The following TACR2 variants were observed in gnomAD, a reference collection of about 807,000 sequenced individuals.
The protein encoded by TACR2 is substance-K receptor.
In TACR2, 24 loss-of-function variants were observed where a neutral mutation model predicts 28.9. The ratio of observed to expected loss-of-function variants is 0.83; its 90% CI spans 0.60 to 1.17. TACR2 has a LOEUF of 1.17. Among genes scored for constraint, TACR2 ranks in the 50% most tolerant of loss-of-function variants. TACR2 has a pLI of 0.00. For missense variants in TACR2, 487 were observed against 524.4 expected, an observed-to-expected ratio of 0.93 and a Z score of 0.70; for synonymous variants, 222 against 212.6, an observed-to-expected ratio of 1.04 and a Z score of -0.38.
chr10:69,409,890 C>CATATATAT (rs1390944288), intron 2 of TACR2, among the ~76,000 whole-genome samples: 4 of 35,336 alleles, frequency 1.1e-4, no homozygotes, highest in Non-Finnish European at 1.9e-4. Context: ...TACATATATA[C>CATATATAT]ATATATATAT....
In TACR2 at chr10:69,416,019, C is replaced by A; in HGVS notation, c.305G>T (p.Gly102Val). 2 of 1,614,204 alleles carry A rather than the reference C, an allele frequency of 1.2e-6. No individual in the cohort carries two copies. The highest frequency in any genetic ancestry group is 1.7e-6 in the Non-Finnish European group (2 of 1,180,034). Residue 102 changes from glycine (G) to valine (V), a missense_variant, in exon 1 of 5, where the codon GGC becomes GTC. Gly to Val is a moderately radical substitution (Grantham distance 109). Coordinates refer to ENST00000373306, the MANE Select transcript of TACR2 (RefSeq NM_001057.3). ...GTTCTGGAAGTAGCAGAAGGCACGG[C>A]CAAAGTACCAGATGTTGTGGCTGGC... ...VYASHNIWYF[G>V]RAFCYFQNLF...
chr10:69,406,635 A>G (rs1478253402), intron 4 of TACR2, among the ~76,000 whole-genome samples: 9 of 152,224 alleles, frequency 5.9e-5, no homozygotes, highest in African/African-American at 2.2e-4. Flanking sequence ...ACTTGGCTCC[A>G]GGAAAGCCCT....
At chr10:69,407,507 C>T (rs1840513913) in intron 3 of TACR2, among the ~76,000 whole-genome samples, 1 of 152,210 alleles carries the variant, frequency 6.6e-6, no homozygotes, top group African/African-American at 2.4e-5. Context: ...TGCCATCCTT[C>T]CTTTGAAGTC....
Position 69,408,908 on chromosome 10 carries a change from G to A in TACR2, c.741+14C>T. 1.8e-6 allele frequency: 2 copies of A among 1,102,428 alleles called. No individual in the cohort carries two copies. Among genetic ancestry groups the A allele is most frequent in the Non-Finnish European group, 1.2e-6 (1 of 865,384 alleles). 68.3% of individuals were successfully genotyped at this position (1,102,428 alleles called of 1,614,324 possible). On this transcript the variant is annotated intron_variant, in intron 3 of 4. Transcript: ENST00000373306. ...CAGGCCCCGCCCCCTCCAGGCCCCC[G>A]CCCCCGCGCCCACCTTCTTCATGGC...
chr10:69,404,931 G>A lies in TACR2; in HGVS notation c.1092C>T (p.Ala364=), dbSNP rs751020287. The A allele has an allele frequency of 6.2e-7, 1 of 1,614,162 alleles. No individual in the cohort carries two copies. The highest frequency in any genetic ancestry group is 8.5e-7 in the Non-Finnish European group (1 of 1,180,018). ...KETLFMAGDT[A]PSEATSGEAG... The stretch of plus-strand genomic sequence containing the variant: ...CCTCCCCACTGGTAGCCTCGGAGGG[G>A]GCTGTGTCCCCAGCCATGAACAAAG... The change falls in exon 5 of 5, where the codon GCC becomes GCT. Residue 364 remains alanine, a synonymous_variant. Coordinates refer to ENST00000373306, the MANE Select transcript of TACR2 (RefSeq NM_001057.3).
At chr10:69,405,453 CAAA>C (rs1554827451) in intron 4 of TACR2, among the ~76,000 whole-genome samples, 3 of 152,158 alleles carry the variant, frequency 2.0e-5, no homozygotes, top group Non-Finnish European at 4.4e-5. Flanking sequence ...AGGGATGAGT[CAAA>C]GAAGAACCTG....
At chr10:69,412,378 G>A (rs1840576869) in intron 2 of TACR2, among the ~76,000 whole-genome samples, 1 of 152,088 alleles carries the variant, frequency 6.6e-6, no homozygotes, top group African/African-American at 2.4e-5. Context: ...CCTCAAGTAG[G>A]CTTTGGGTTG....
rs535588644 is a variant in TACR2 at position 69,416,465 on chromosome 10, C to G, written c.-142G>C. Reference sequence around the variant, plus strand: ...CAAGCGTGGTGGCACATCAGGAGAGCCTGGGGCCACTCCTAGGTCTCAGGC... The same window carrying G: ...CAAGCGTGGTGGCACATCAGGAGAGGCTGGGGCCACTCCTAGGTCTCAGGC... On this transcript the variant is annotated 5_prime_UTR_variant, in exon 1 of 5. Coordinates refer to ENST00000373306, the MANE Select transcript of TACR2 (RefSeq NM_001057.3). 14 of 1,141,016 alleles carry G rather than the reference C, an allele frequency of 1.2e-5. No homozygotes were observed. Among genetic ancestry groups the G allele is most frequent in the Non-Finnish European group, 1.7e-5 (14 of 824,568 alleles). 70.7% of individuals were successfully genotyped at this position (1,141,016 alleles called of 1,614,324 possible).
intron 2 of TACR2, among the ~76,000 whole-genome samples, chr10:69,410,214 T>C (rs1429646505): frequency 1.3e-5 from 2 of 151,954 alleles, no homozygotes; most frequent in Admixed American, 1.3e-4. Context: ...AGGCTTTTCA[T>C]TTCCTTTTGG....
At chr10:69,413,512 T>C (rs1261839403) in intron 2 of TACR2, among the ~76,000 whole-genome samples, 2 of 152,176 alleles carry the variant, frequency 1.3e-5, no homozygotes, top group Non-Finnish European at 2.9e-5. Flanking sequence ...TCCCCATATA[T>C]GGATATCGCC....
intron 4 of TACR2, 55 bp from the exon 5 acceptor site, chr10:69,405,139 T>C (rs1316423642): frequency 1.4e-6 from 2 of 1,468,806 alleles, no homozygotes; most frequent in Non-Finnish European, 1.9e-6. Context: ...GGAGCTGTGA[T>C]GTGACTGCCC....
chr10:69,410,037 C>T (rs550770011), intron 2 of TACR2, among the ~76,000 whole-genome samples: 1 of 151,158 alleles, frequency 6.6e-6, no homozygotes, highest in East Asian at 2.0e-4. Context: ...TGGAAAAGCG[C>T]CATATATCAC....
chr10:69,407,313 T>A (rs1287360001), intron 3 of TACR2, 33 bp from the exon 4 acceptor site: 5 of 1,580,858 alleles, frequency 3.2e-6, no homozygotes, highest in Admixed American at 3.7e-5. Flanking sequence ...TACTTCTTAG[T>A]GCCCAAGCCC....
chr10:69,414,826 A>G (rs1840597814), intron 2 of TACR2, 119 bp downstream of exon 2: 1 of 1,090,398 alleles, frequency 9.2e-7, no homozygotes, highest in African/African-American at 1.6e-5. Context: ...ACTCATGTGT[A>G]CACCCATGCA....
chr10:69,409,918 T>TATATATATATAC (rs1840552868), intron 2 of TACR2, among the ~76,000 whole-genome samples: 1 of 40,168 alleles, frequency 2.5e-5, no homozygotes, highest in Non-Finnish European at 4.5e-5. Flanking sequence ...TATATATATA[T>TATATATATATAC]ATATATATAT....
At chr10:69,405,774 G>A (rs1038281564) in intron 4 of TACR2, among the ~76,000 whole-genome samples, 1 of 152,226 alleles carries the variant, frequency 6.6e-6, no homozygotes, top group African/African-American at 2.4e-5. Flanking sequence ...TGGGTAGCAG[G>A]AGAGTGATCA....
chr10:69,409,010 C>G lies in TACR2; in HGVS notation c.653G>C (p.Ser218Thr), dbSNP rs79030584. ...CCTCCAGAGCGTGAGGCCGATGACG[C>G]TGTAGGCTACAAACATCACCGCGAG... is the stretch of plus-strand genomic sequence containing the variant. ...LPLAVMFVAYSVIGLTLWRRA... is the reference protein window; with the variant it reads ...LPLAVMFVAYTVIGLTLWRRA... The change falls in exon 3 of 5, where the codon AGC (serine) becomes ACC (threonine). Residue 218 changes from serine to threonine, a missense_variant. By Grantham distance (58) the Ser-to-Thr change is moderately conservative. Transcript: ENST00000373306. The G allele has an allele frequency of 8.8e-3, 14,095 of 1,608,072 alleles. 354 individuals carry two copies. Among genetic ancestry groups the G allele is most frequent in the African/African-American group, 0.071 (5,253 of 74,358 alleles).
rs756550300 is a variant in TACR2 at position 69,405,041 on chromosome 10, C to T, written c.982G>A (p.Val328Ile). Residue 328 changes from valine to isoleucine, a missense_variant, in exon 5 of 5, where the codon GTC (valine) becomes ATC (isoleucine). Coordinates refer to ENST00000373306, the MANE Select transcript of TACR2 (RefSeq NM_001057.3). ...FRLAFRCCPW[V>I]TPTKEDKLEL... is the part of the protein sequence containing the mutation. ...AGCTTATCTTCCTTGGTGGGTGTGA[C>T]CCATGGGCAGCAGCGGAAGGCAAGC... 1.9e-6 allele frequency: 3 copies of T among 1,613,948 alleles called. No individual in the cohort carries two copies. The highest frequency in any genetic ancestry group is 3.3e-5 in the Admixed American group (2 of 59,992).
chr10:69,415,549 T>G (rs1387311772), intron 1 of TACR2, among the ~76,000 whole-genome samples: 2 of 151,322 alleles, frequency 1.3e-5, no homozygotes, highest in African/African-American at 4.9e-5. Context: ...TTTCCCCTCG[T>G]GTAATCTATC....
Sources: gnomAD v4.1 joint callset for allele counts (sites outside exome capture counted in the v4.1 genomes callset) on GRCh38, gnomAD v4.1.1 for gene constraint, MANE v1.5 for transcripts, NCBI Gene and HGNC (gene_info 2026-07-23, HGNC 2026-07-21) for gene names.